WDR72: variants seen among roughly 807,000 people sequenced by gnomAD.
WDR72 encodes the protein WD repeat domain 72.
Under a neutral mutation model 124.2 loss-of-function variants are expected in WDR72, and 120 were observed. That is an observed-to-expected ratio of 0.97 (90% CI 0.83 to 1.12). WDR72 has a LOEUF of 1.12. WDR72 is among the 50% of genes most tolerant of loss of function. The pLI is 0.00. For missense variants in WDR72, 1,387 were observed against 1,278.8 expected (o/e 1.08, Z -1.29); for synonymous variants, 452 against 441.7 (o/e 1.02, Z -0.29).
chr15:53,630,012 A>G (rs2014361813), intron 14 of WDR72, among the ~76,000 whole-genome samples: 1 of 152,220 alleles, frequency 6.6e-6, no homozygotes, highest in African/African-American at 2.4e-5. Flanking sequence ...GGGAAAAATC[A>G]AAGTAATGAA....
chr15:53,548,831 A>G (rs1325964250), intron 18 of WDR72, among the ~76,000 whole-genome samples: 1 of 152,184 alleles, frequency 6.6e-6, no homozygotes, highest in Non-Finnish European at 1.5e-5. Flanking sequence ...ACATGTTTAG[A>G]ATTCAGAGTC....
rs772633249 is a variant in WDR72, at chr15:53,523,258, G to A, written c.3213C>T (p.Asp1071=). The A allele has an allele frequency of 1.4e-5, 23 of 1,613,024 alleles. No individual in the cohort carries two copies. The South Asian group carries it at 2.4e-4, about 17-fold the overall frequency. Residue 1071 remains aspartate (D), a synonymous_variant, in exon 19 of 20, where the codon GAC becomes GAT. Transcript: ENST00000360509. ...SNSANFQDVE[D]MPDRCALEES... is the part of the protein sequence containing the mutation. ...CTTCCAAGGCACATCTGTCAGGCAT[G>A]TCCTCCACGTCTTGGAAGTTTGCCG...
intron 14 of WDR72, 115 bp downstream of exon 14, chr15:53,665,457 G>T: frequency 2.6e-6 from 3 of 1,142,158 alleles, no homozygotes; most frequent in Non-Finnish European, 3.9e-6. Context: ...AGATGCAGCA[G>T]TCTCTTAGTT....
At chr15:53,583,005 T>G (rs1470303064) in intron 18 of WDR72, among the ~76,000 whole-genome samples, 1 of 151,950 alleles carries the variant, frequency 6.6e-6, no homozygotes, top group African/African-American at 2.4e-5. Context: ...AAATATATCA[T>G]TTTTTATAAA....
intron 1 of WDR72, chr15:53,756,611 AAGAC>A (rs545064817): frequency 3.0e-4 from 46 of 152,246 alleles, no homozygotes; most frequent in Admixed American, 1.9e-3. Flanking sequence ...TTAAAAAAAA[AAGAC>A]AGAGAGAGAG....
chr15:53,697,233 C>T (rs957498610), intron 13 of WDR72, among the ~76,000 whole-genome samples: 7 of 152,164 alleles, frequency 4.6e-5, no homozygotes, highest in African/African-American at 7.2e-5. Flanking sequence ...ACAACTCTAT[C>T]GATTATTGTC....
At position 53,515,753 on chromosome 15, in the gene WDR72, T is replaced by C. The variant is rs1891426766; in HGVS notation, c.*1946A>G. The C allele has an allele frequency of 6.6e-6, 1 of 152,160 alleles. No individual in the cohort carries two copies. The highest frequency in any genetic ancestry group is 6.5e-5 in the Admixed American group (1 of 15,272). 9.4% of individuals were successfully genotyped at this position (152,160 alleles called of 1,614,324 possible). A position where few individuals can be genotyped will look rare whatever the true frequency, so the allele number is the denominator to read the frequency against. On this transcript the variant is annotated 3_prime_UTR_variant, in exon 20 of 20. Coordinates refer to ENST00000360509, the MANE Select transcript of WDR72 (RefSeq NM_182758.4). ...GAAAATATTTATCAGAGATTCAATA[T>C]TGGTTTCATTAGAACTGATAAATGC...
intron 14 of WDR72, among the ~76,000 whole-genome samples, chr15:53,642,880 C>G (rs748417208): frequency 2.0e-5 from 3 of 151,976 alleles, no homozygotes; most frequent in Non-Finnish European, 2.9e-5. Context: ...ACCTGCTTGT[C>G]TCTGAGGGCT....
intron 18 of WDR72, among the ~76,000 whole-genome samples, chr15:53,594,306 A>C (rs1048993109): frequency 2.5e-5 from 2 of 79,554 alleles, no homozygotes; most frequent in Admixed American, 2.5e-4. Context: ...CCAAGAAAGA[A>C]AAAAAGAAAT....
chr15:53,521,969 A>G (rs576520345), intron 19 of WDR72, among the ~76,000 whole-genome samples: 1 of 152,078 alleles, frequency 6.6e-6, no homozygotes, highest in East Asian at 1.9e-4. Context: ...GGTGGGGTTA[A>G]TTTGCTCATT....
At chr15:53,647,535 A>G (rs2015084846) in intron 14 of WDR72, among the ~76,000 whole-genome samples, 1 of 151,976 alleles carries the variant, frequency 6.6e-6, no homozygotes, top group South Asian at 2.1e-4. Flanking sequence ...TTATCTGTGC[A>G]ATCATTAGTA....
chr15:53,691,616 CAGACAGATAGATAGATAGATAGAT>C (rs2016843890), intron 13 of WDR72, among the ~76,000 whole-genome samples: 2 of 65,472 alleles, frequency 3.1e-5, no homozygotes, highest in Admixed American at 1.7e-4. Flanking sequence ...GACAGACAGA[CAGACAGATAGATAGATAGATAGAT>C]AGATAGATAG....
At chr15:53,608,047 T>C (rs1036062828) in intron 17 of WDR72, among the ~76,000 whole-genome samples, 1 of 152,114 alleles carries the variant, frequency 6.6e-6, no homozygotes, top group Non-Finnish European at 1.5e-5. Flanking sequence ...AAATCCACTG[T>C]TGGTGGAAAT....
At chr15:53,748,233 A>C (rs2018689998) in intron 1 of WDR72, among the ~76,000 whole-genome samples, 1 of 152,138 alleles carries the variant, frequency 6.6e-6, no homozygotes, top group African/African-American at 2.4e-5. Flanking sequence ...CGTGTGTATA[A>C]ATTCTGCAAA....
chr15:53,632,323 T>C (rs545176546), intron 14 of WDR72, among the ~76,000 whole-genome samples: 1 of 152,136 alleles, frequency 6.6e-6, no homozygotes, highest in Admixed American at 6.5e-5. Flanking sequence ...TTCCATGTGG[T>C]AATAAGCCTG....
intron 13 of WDR72, among the ~76,000 whole-genome samples, chr15:53,696,662 A>G (rs2017012694): frequency 1.3e-5 from 2 of 152,226 alleles, no homozygotes; most frequent in South Asian, 4.1e-4. Context: ...CAACCTTTGT[A>G]AGTAAAGAAT....
chr15:53,742,488 A>T (rs1286380444), intron 1 of WDR72, among the ~76,000 whole-genome samples: 9 of 152,204 alleles, frequency 5.9e-5, no homozygotes, highest in African/African-American at 2.2e-4. Flanking sequence ...AAATTTGAGT[A>T]CCTGAATGAT....
In WDR72 at chr15:53,712,150, A is replaced by G. The variant is rs2140549112; in HGVS notation, c.711+622T>C. ...ATGTAAACACCAAATTTTGAAAACA[A>G]TTTAGAGCTAAATATTCATTGTTAT... On this transcript the variant is annotated intron_variant, in intron 7 of 19. Transcript: ENST00000360509. 3.3e-5 allele frequency among the ~76,000 whole-genome samples: 5 copies of G among 152,366 alleles called. No individual in the cohort carries two copies. The South Asian group carries it at 1.0e-3, about 32-fold the overall frequency.
At chr15:53,729,512 A>T (rs946082330) in intron 2 of WDR72, among the ~76,000 whole-genome samples, 5 of 151,752 alleles carry the variant, frequency 3.3e-5, no homozygotes, top group African/African-American at 1.2e-4. Flanking sequence ...AAAACTTACA[A>T]ACCCCTCAGC....
Sources: gnomAD v4.1 joint callset for allele counts (sites outside exome capture counted in the v4.1 genomes callset) on GRCh38, gnomAD v4.1.1 for gene constraint, MANE v1.5 for transcripts, NCBI Gene and HGNC (gene_info 2026-07-23, HGNC 2026-07-21) for gene names.